GNB3: variants seen among roughly 807,000 people sequenced by gnomAD.
GNB3 encodes the protein guanine nucleotide-binding protein G(I)/G(S)/G(T) subunit beta-3.
In GNB3, 33 loss-of-function variants were observed where a neutral mutation model predicts 41.2. The ratio of observed to expected loss-of-function variants is 0.80; its 90% CI spans 0.61 to 1.07. The LOEUF (loss-of-function observed/expected upper bound fraction) is 1.07. Among genes scored for constraint, GNB3 ranks in the 50% least tolerant of loss-of-function variants. The pLI is 0.00. For synonymous variants in GNB3, 172 were observed against 173.4 expected (o/e 0.99, Z 0.06); for missense variants, 409 against 455.3 (o/e 0.90, Z 0.92).
At chr12:6,841,190 G>T in intron 1 of GNB3, 68 bp from the exon 2 acceptor site, 1 of 959,124 alleles carries the variant, frequency 1.0e-6, no homozygotes, top group Non-Finnish European at 1.6e-6. Flanking sequence ...GGAGTCTGGT[G>T]TGGGCACGAA....
chr12:6,844,021 C>G (rs782385517), intron 8 of GNB3, 43 bp downstream of exon 8: 4 of 1,416,790 alleles, frequency 2.8e-6, no homozygotes, highest in East Asian at 2.3e-5. Flanking sequence ...ACTCCTTCCC[C>G]GACACTCCCC....
At chr12:6,841,369 G>C (rs782286035) in intron 2 of GNB3, 25 bp downstream of exon 2, 12 of 1,606,898 alleles carry the variant, frequency 7.5e-6, no homozygotes, top group Admixed American at 6.7e-5. Context: ...CTACCCCTGG[G>C]GCCCCAGAAA....
At chr12:6,846,701 C>CA (rs138991440) in intron 9 of GNB3, 91 bp from the exon 10 acceptor site, 1 of 683,654 alleles carries the variant, frequency 1.5e-6, no homozygotes, top group Admixed American at 2.1e-5. Flanking sequence ...ACACACACAC[C>CA]CACACACCCA....
intron 9 of GNB3, 97 bp from the exon 10 acceptor site, chr12:6,846,695 A>ACC (rs1943710033): frequency 1.6e-6 from 1 of 644,230 alleles, no homozygotes; most frequent in Non-Finnish European, 2.7e-6. Flanking sequence ...ACATACACAC[A>ACC]CACACCCACA....
rs782790179 is a variant in GNB3, at chr12:6,843,882, G to T, written c.603G>T (p.Ser201=). 1 of 1,613,882 alleles carries T rather than the reference G, an allele frequency of 6.2e-7. No homozygotes were observed. Among genetic ancestry groups the T allele is most frequent in the South Asian group, 1.1e-5 (1 of 91,074 alleles). ...AVSPDFNLFI[S]GACDASAKLW... ...CTCCTGACTTCAATCTCTTCATTTC[G>T]GGGGCCTGTGATGCCAGTGCCAAGC... The change falls in exon 8 of 10, where the codon TCG becomes TCT. Residue 201 remains serine, a synonymous_variant. Coordinates refer to ENST00000229264, the MANE Select transcript of GNB3 (RefSeq NM_002075.4). The surrounding 1 kb of genome is among the most constrained non-coding windows in gnomAD (Gnocchi z 5.9).
At chr12:6,846,067 A>T (rs1429473627) in intron 9 of GNB3, 1 of 474,128 alleles carries the variant, frequency 2.1e-6, no homozygotes, top group Non-Finnish European at 3.8e-6. Flanking sequence ...ATGACTGTCC[A>T]GTCAGTTCTG....
rs1432718669 is a variant in GNB3, at chr12:6,844,091, G to GTCTTTTTTTT, written c.699+114_699+115insCTTTTTTTTT. On this transcript the variant is annotated intron_variant, in intron 8 of 9. Coordinates refer to ENST00000229264, the MANE Select transcript of GNB3 (RefSeq NM_002075.4). ...ATAGCTTCCCTAGCCCTTTCTTACT[G>GTCTTTTTTTT]TATTTTTTTTTTTTTTTTTTTTTTT... The GTCTTTTTTTT allele has an allele frequency of 1.7e-4, 44 of 258,850 alleles. 12 individuals carry two copies. The East Asian group carries it at 2.3e-3, about 14-fold the overall frequency. 16.0% of individuals were successfully genotyped at this position (258,850 alleles called of 1,614,324 possible).
At chr12:6,841,687 G>C in intron 3 of GNB3, 63 bp downstream of exon 3, 8 of 1,199,508 alleles carry the variant, frequency 6.7e-6, no homozygotes, top group East Asian at 2.4e-5. Context: ...TCCCCGACCC[G>C]CAATAGCGCG....
rs782760944 is a variant in GNB3 at position 6,845,833 on chromosome 12, A to C, written c.916+31A>C. ...GGCCAGCCCTGGCTGCTGCTTCCTC[A>C]GCTGGAAGGACCCTCCCCAGCCCTC... On this transcript the variant is annotated intron_variant, in intron 9 of 9. Coordinates refer to ENST00000229264, the MANE Select transcript of GNB3 (RefSeq NM_002075.4). The C allele has an allele frequency of 1.1e-5, 17 of 1,512,884 alleles. No homozygotes were observed. The Admixed American group carries it at 2.8e-4, about 25-fold the overall frequency. 93.7% of individuals were successfully genotyped at this position (1,512,884 alleles called of 1,614,324 possible). A position where few individuals can be genotyped will look rare whatever the true frequency, so the allele number is the denominator to read the frequency against.
intron 3 of GNB3, 84 bp downstream of exon 3, chr12:6,841,708 C>T: frequency 1.0e-6 from 1 of 962,386 alleles, no homozygotes; most frequent in Non-Finnish European, 1.7e-6. Context: ...TTGCTCCGAG[C>T]ATTAGTACAG....
chr12:6,841,926 A>G lies in GNB3; in HGVS notation c.96+302A>G, dbSNP rs1555123515. 2.9e-5 allele frequency: 16 copies of G among 544,450 alleles called. 1 individual carries two copies. The East Asian group carries it at 4.4e-4, about 15-fold the overall frequency. The allele number at this position is 544,450 out of a possible 1,614,324, so 33.7% of individuals were successfully genotyped here. Reference sequence around the variant, plus strand: ...TTTGTAAATTATAAAGCCCTTGTAGACTCTAGCTGCTAGTTTTCTATGCTG... The same window carrying G: ...TTTGTAAATTATAAAGCCCTTGTAGGCTCTAGCTGCTAGTTTTCTATGCTG... On this transcript the variant is annotated intron_variant, in intron 3 of 9. Coordinates refer to ENST00000229264, the MANE Select transcript of GNB3 (RefSeq NM_002075.4).
At chr12:6,844,262 C>T (rs1228733915) in intron 8 of GNB3, among the ~76,000 whole-genome samples, 1 of 150,668 alleles carries the variant, frequency 6.6e-6, no homozygotes, top group Non-Finnish European at 1.5e-5. Flanking sequence ...CCACCATGCC[C>T]GGCTAATTTT....
At position 6,843,559 on chromosome 12, in the gene GNB3, G is replaced by A. The variant is rs1373698636; in HGVS notation, c.430+34G>A. 6.2e-7 allele frequency: 1 copy of A among 1,613,360 alleles called. No homozygotes were observed. The highest frequency in any genetic ancestry group is 1.1e-5 in the South Asian group (1 of 91,062). Reference sequence around the variant, plus strand: ...GAGACCCTCTCCTCCCCTCCTGAGGGGTTCAGGGAACCCTGGGCTTCCAGT... The same window carrying A: ...GAGACCCTCTCCTCCCCTCCTGAGGAGTTCAGGGAACCCTGGGCTTCCAGT... On this transcript the variant is annotated intron_variant, in intron 6 of 9. Transcript: ENST00000229264. The surrounding 1 kb of genome is among the most constrained non-coding windows in gnomAD (Gnocchi z 5.9).
chr12:6,843,599 C>T lies in GNB3; in HGVS notation c.431-33C>T, dbSNP rs1555123895. ...GGGCTTCCAGTGGGCTGTGGCTCTGCAGCCAGGGCACTGTCCTTCTAACCG... is the reference window on the plus strand; with the variant it reads ...GGGCTTCCAGTGGGCTGTGGCTCTGTAGCCAGGGCACTGTCCTTCTAACCG... On this transcript the variant is annotated intron_variant, in intron 6 of 9. Coordinates refer to ENST00000229264, the MANE Select transcript of GNB3 (RefSeq NM_002075.4). The surrounding 1 kb of genome is among the most constrained non-coding windows in gnomAD (Gnocchi z 5.9). 6.2e-7 allele frequency: 1 copy of T among 1,612,492 alleles called. No homozygotes were observed.
chr12:6,845,839 A>AGGGTCCTTCCAGCTG, intron 9 of GNB3, 37 bp downstream of exon 9: 2 of 1,458,950 alleles, frequency 1.4e-6, no homozygotes, highest in Non-Finnish European at 1.9e-6. Context: ...CCTCAGCTGG[A>AGGGTCCTTCCAGCTG]AGGACCCTCC....
rs1591589923 is a variant in GNB3 at position 6,843,719 on chromosome 12, T to A, written c.497+21T>A. ...ACGTGGTGAGGCTGAACATTGCTGG[T>A]GCTGGGGCTTGGGAGTGGGCCCGGC... On this transcript the variant is annotated intron_variant, in intron 7 of 9. Transcript: ENST00000229264. This position sits in a 1 kb window ranked among gnomAD's most constrained non-coding sequence, Gnocchi z 5.9. 1 of 1,613,546 alleles carries A rather than the reference T, an allele frequency of 6.2e-7. No individual in the cohort carries two copies. The highest frequency in any genetic ancestry group is 8.5e-7 in the Non-Finnish European group (1 of 1,179,426).
chr12:6,847,016 C>G lies in GNB3; in HGVS notation c.*118C>G. ...GGGTGCCATTCCCACTAAGCTTTCT[C>G]CTTTGAGGGCAGTGGGGAGCATGGG... is the stretch of plus-strand genomic sequence containing the variant. On this transcript the variant is annotated 3_prime_UTR_variant, in exon 10 of 10. Coordinates refer to ENST00000229264, the MANE Select transcript of GNB3 (RefSeq NM_002075.4). 1.5e-6 allele frequency: 1 copy of G among 658,620 alleles called. No homozygotes were observed. The highest frequency in any genetic ancestry group is 2.7e-6 in the Non-Finnish European group (1 of 364,432). 40.8% of individuals were successfully genotyped at this position (658,620 alleles called of 1,614,324 possible).
At chr12:6,842,387 T>TA (rs1318443927) in intron 3 of GNB3, among the ~76,000 whole-genome samples, 7 of 151,894 alleles carry the variant, frequency 4.6e-5, no homozygotes, top group East Asian at 3.9e-4. Context: ...CTTCTTAATA[T>TA]AAAAAAAATT....
In GNB3 at chr12:6,845,713, T is replaced by A; in HGVS notation, c.827T>A (p.Val276Glu). ...HESIICGITS[V>E]AFSLSGRLLF... ...AGCATCATCTGCGGCATCACGTCCG[T>A]GGCCTTCTCCCTCAGTGGCCGCCTA... Residue 276 changes from valine (V) to glutamate (E), a missense_variant, in exon 9 of 10, where the codon GTG becomes GAG. Val to Glu is a moderately radical substitution (Grantham distance 121). Coordinates refer to ENST00000229264, the MANE Select transcript of GNB3 (RefSeq NM_002075.4). 1 of 1,614,130 alleles carries A rather than the reference T, an allele frequency of 6.2e-7. No homozygotes were observed. Among genetic ancestry groups the A allele is most frequent in the Non-Finnish European group, 8.5e-7 (1 of 1,179,964 alleles).
Sources: gnomAD v4.1 joint callset for allele counts (sites outside exome capture counted in the v4.1 genomes callset) on GRCh38, gnomAD v4.1.1 for gene constraint, Gnocchi (gnomAD v3.1) non-coding constraint, MANE v1.5 for transcripts, NCBI Gene and HGNC (gene_info 2026-07-23, HGNC 2026-07-21) for gene names.